PCDH15: variants seen among roughly 807,000 people sequenced by gnomAD.
The protein encoded by PCDH15 is protocadherin-15.
Under a neutral mutation model 178.5 loss-of-function variants are expected in PCDH15, and 129 were observed. The observed-to-expected ratio is 0.72, with a 90% CI of 0.63 to 0.84. The LOEUF (loss-of-function observed/expected upper bound fraction) is 0.84. PCDH15 is among the 40% of genes least tolerant of loss of function. The pLI is 0.00. For missense variants in PCDH15, 2,230 were observed against 2,099.9 expected (o/e 1.06, Z -1.21); for synonymous variants, 800 against 732.0 (o/e 1.09, Z -1.50).
At chr10:54,760,617 TTC>T (rs1259014003) in intron 1 of PCDH15, among the ~76,000 whole-genome samples, 2 of 152,214 alleles carry the variant, frequency 1.3e-5, no homozygotes, top group Non-Finnish European at 2.9e-5. Flanking sequence ...CTTGATCATT[TTC>T]TGTTTTTGAA....
At chr10:54,708,697 TA>T (rs2095393096) in intron 1 of PCDH15, among the ~76,000 whole-genome samples, 1 of 152,086 alleles carries the variant, frequency 6.6e-6, no homozygotes, top group South Asian at 2.1e-4. Context: ...CTCTTAGGCC[TA>T]AACTGAACTA....
At chr10:54,804,328 C>T (rs140986491), upstream of PCDH15, among the ~76,000 whole-genome samples, 201 of 152,234 alleles carry the variant, frequency 1.3e-3, 2 homozygotes, top group Middle Eastern at 0.01. Context: ...CGTGAGCCAC[C>T]GCGCCTGCCA....
At chr10:54,283,456 A>G (rs946238856) in intron 8 of PCDH15, among the ~76,000 whole-genome samples, 1 of 152,170 alleles carries the variant, frequency 6.6e-6, no homozygotes, top group African/African-American at 2.4e-5. Flanking sequence ...CTGAGTTTAG[A>G]TAAGAGGTGG....
At chr10:54,114,744 T>C (rs934796335) in intron 15 of PCDH15, among the ~76,000 whole-genome samples, 8 of 152,002 alleles carry the variant, frequency 5.3e-5, no homozygotes, top group Non-Finnish European at 8.8e-5. Flanking sequence ...AAAAACTAAG[T>C]CATGAGAATA....
chr10:54,779,452 T>TATATATGTATATATATACACA (rs1566221590), intron 1 of PCDH15, among the ~76,000 whole-genome samples: 19 of 110,882 alleles, frequency 1.7e-4, no homozygotes, highest in African/African-American at 5.7e-4. Flanking sequence ...ATATATACAC[T>TATATATGTATATATATACACA]CATATATGTG....
At chr10:54,548,224 T>C (rs1470992670) in intron 2 of PCDH15, among the ~76,000 whole-genome samples, 1 of 147,930 alleles carries the variant, frequency 6.8e-6, no homozygotes, top group Non-Finnish European at 1.5e-5. Flanking sequence ...TATACATATA[T>C]AAAATACTCA....
intron 1 of PCDH15, among the ~76,000 whole-genome samples, chr10:55,261,820 C>T (rs752621689): frequency 7.2e-5 from 11 of 152,070 alleles, no homozygotes; most frequent in Admixed American, 1.3e-4. Flanking sequence ...GTGTGTCTTA[C>T]GTCATTCACT....
chr10:54,505,296 C>G (rs1226880325), intron 3 of PCDH15, among the ~76,000 whole-genome samples: 1 of 151,986 alleles, frequency 6.6e-6, no homozygotes, highest in Non-Finnish European at 1.5e-5. Context: ...ATACACAGGT[C>G]TCTGTATGTA....
chr10:54,547,401 A>T (rs2085982144), intron 2 of PCDH15, among the ~76,000 whole-genome samples: 1 of 152,154 alleles, frequency 6.6e-6, no homozygotes, highest in Non-Finnish European at 1.5e-5. Context: ...TTAAAAATCA[A>T]TAATACTACA....
rs1252259548 is a variant in PCDH15 at position 54,153,104 on chromosome 10, G to T, written c.1780C>A (p.Arg594=). 3.7e-6 allele frequency: 6 copies of T among 1,613,486 alleles called. No homozygotes were observed. Among genetic ancestry groups the T allele is most frequent in the Non-Finnish European group, 4.2e-6 (5 of 1,179,750 alleles). Residue 594 remains arginine, a synonymous_variant, in exon 14 of 38, where the codon CGA becomes AGA. Transcript: ENST00000644397. Reference sequence around the variant, plus strand: ...ATTGGTTCTAATATAAATTACCTTCGCTCTGCAGGAGGAGCATTATCCGCT... The same window carrying T: ...ATTGGTTCTAATATAAATTACCTTCTCTCTGCAGGAGGAGCATTATCCGCT... ...QAADNAPPAE[R]RNSICTVYIE... is the part of the protein sequence containing the mutation.
intron 2 of PCDH15, among the ~76,000 whole-genome samples, chr10:54,995,143 G>A (rs1047440544): frequency 2.2e-4 from 34 of 151,968 alleles, no homozygotes; most frequent in African/African-American, 7.0e-4. Flanking sequence ...TTGGGAGGCC[G>A]AGGCGGGCGG....
At chr10:55,143,202 CTTT>C (rs11293437) in intron 2 of PCDH15, among the ~76,000 whole-genome samples, 29,513 of 151,168 alleles carry the variant, frequency 0.2, 3,359 homozygotes, top group South Asian at 0.36. Context: ...TCAATTAAAC[CTTT>C]TTTTTTTTAA....
At chr10:54,493,322 C>G (rs187809016) in intron 3 of PCDH15, among the ~76,000 whole-genome samples, 2 of 152,052 alleles carry the variant, frequency 1.3e-5, no homozygotes, top group Admixed American at 6.6e-5. Flanking sequence ...TGGGGGCAAA[C>G]AAAACTCATA....
At chr10:54,250,556 T>A (rs1279148863) in intron 8 of PCDH15, among the ~76,000 whole-genome samples, 3 of 152,130 alleles carry the variant, frequency 2.0e-5, no homozygotes, top group African/African-American at 7.2e-5. Context: ...GTGCTGGGAT[T>A]ACAGGCCTGA....
intron 2 of PCDH15, among the ~76,000 whole-genome samples, chr10:55,462,346 C>T (rs1043550658): frequency 1.3e-5 from 2 of 152,084 alleles, no homozygotes; most frequent in East Asian, 1.9e-4. Flanking sequence ...GGATTTTTCT[C>T]ATAGTACATT....
intron 2 of PCDH15, among the ~76,000 whole-genome samples, chr10:55,537,263 GT>G (rs1225820080): frequency 2.0e-5 from 3 of 152,016 alleles, no homozygotes; most frequent in African/African-American, 7.2e-5. Context: ...GAGAAATGCA[GT>G]TTTTTAAATA....
At chr10:54,428,808 GAAAAAAT>G (rs555441486) in intron 3 of PCDH15, among the ~76,000 whole-genome samples, 1 of 151,892 alleles carries the variant, frequency 6.6e-6, no homozygotes, top group East Asian at 1.9e-4. Flanking sequence ...AGTGCTGAAG[GAAAAAAT>G]AAAAAATAAA....
intron 2 of PCDH15, among the ~76,000 whole-genome samples, chr10:54,588,738 G>T (rs2091677702): frequency 6.6e-6 from 1 of 152,010 alleles, no homozygotes; most frequent in African/African-American, 2.4e-5. Flanking sequence ...ACCACACCCA[G>T]CTAATTTCTA....
At chr10:55,424,937 A>G (rs1423429888) in intron 2 of PCDH15, among the ~76,000 whole-genome samples, 2 of 152,050 alleles carry the variant, frequency 1.3e-5, no homozygotes, top group African/African-American at 4.8e-5. Flanking sequence ...ATACGTTTAC[A>G]GATATGAAAT....
Sources: gnomAD v4.1 joint callset for allele counts (sites outside exome capture counted in the v4.1 genomes callset) on GRCh38, gnomAD v4.1.1 for gene constraint, MANE v1.5 for transcripts, NCBI Gene and HGNC (gene_info 2026-07-23, HGNC 2026-07-21) for gene names.